The following ZNF618 variants were observed in gnomAD, a reference collection of about 807,000 sequenced individuals.
ZNF618 encodes the protein zinc finger protein 618, also known as neural precursor cell expressed, developmentally down-regulated 10.
In ZNF618, 34 loss-of-function variants were observed where a neutral mutation model predicts 103.0. That is an observed-to-expected ratio of 0.33 (90% CI 0.25 to 0.44). The LOEUF (loss-of-function observed/expected upper bound fraction) is 0.44, where lower values mean the gene tolerates loss of function less well. Among genes scored for constraint, ZNF618 ranks in the 20% least tolerant of loss-of-function variants. ZNF618 has a pLI of 1.00. For synonymous variants in ZNF618, 551 were observed against 542.2 expected (o/e 1.02, Z -0.23); for missense variants, 1,059 against 1,295.4 (o/e 0.82, Z 2.80).
intron 2 of ZNF618, among the ~76,000 whole-genome samples, chr9:113,970,537 A>G (rs1837858940): frequency 6.6e-6 from 1 of 151,972 alleles, no homozygotes; most frequent in African/African-American, 2.4e-5. Flanking sequence ...CCATGGTGAT[A>G]CCTAAATTTG....
chr9:114,032,774 T>A, intron 12 of ZNF618, 46 bp downstream of exon 12: 1 of 1,563,970 alleles, frequency 6.4e-7, no homozygotes, highest in Non-Finnish European at 8.8e-7. Flanking sequence ...GCTGCCAGCT[T>A]CGCCCGCTCC....
intron 1 of ZNF618, among the ~76,000 whole-genome samples, chr9:113,955,422 A>T (rs763172306): frequency 4.6e-5 from 7 of 151,812 alleles, no homozygotes; most frequent in Non-Finnish European, 8.8e-5. Context: ...TCATTTCTTC[A>T]TGGGCCTCTC....
chr9:114,053,926 A>G lies in ZNF618; in HGVS notation c.*3759A>G, dbSNP rs1241914432. On this transcript the variant is annotated 3_prime_UTR_variant, in exon 15 of 15. Transcript: ENST00000374126. ...TTGGCAGCTTCACACTTGACATCTG[A>G]GGATTGGTTTTTGGCTGGAAAAAGG... is the stretch of plus-strand genomic sequence containing the variant. 6.6e-6 allele frequency: 1 copy of G among 152,232 alleles called. No homozygotes were observed. The highest frequency in any genetic ancestry group is 1.9e-4 in the East Asian group (1 of 5,188). The allele number at this position is 152,232 out of a possible 1,614,324, so 9.4% of individuals were successfully genotyped here.
rs1488327527 is a variant in ZNF618, at chr9:114,053,723, A to G, written c.*3556A>G. Reference sequence around the variant, plus strand: ...CGGGTGGATGCCTTTGTTCTGGCACAGTTCTCCACTTCCCGATTCCTGGCT... The same window carrying G: ...CGGGTGGATGCCTTTGTTCTGGCACGGTTCTCCACTTCCCGATTCCTGGCT... On this transcript the variant is annotated 3_prime_UTR_variant, in exon 15 of 15. Coordinates refer to ENST00000374126, the MANE Select transcript of ZNF618 (RefSeq NM_001318042.2). 1 of 152,218 alleles carries G rather than the reference A, an allele frequency of 6.6e-6. No homozygotes were observed. The highest frequency in any genetic ancestry group is 1.5e-5 in the Non-Finnish European group (1 of 68,066). 9.4% of individuals were successfully genotyped at this position (152,218 alleles called of 1,614,324 possible).
intron 9 of ZNF618, among the ~76,000 whole-genome samples, chr9:114,013,160 T>G (rs550455882): frequency 6.6e-6 from 1 of 152,324 alleles, no homozygotes; most frequent in East Asian, 1.9e-4. Context: ...CTAGACAAAT[T>G]GTGGTTTGTG....
rs1844581874 is a variant in ZNF618, at chr9:114,036,177, G to T, written c.1169-123G>T. On this transcript the variant is annotated intron_variant, in intron 12 of 14. Transcript: ENST00000374126. ...CGGGGGAGGCAGGCAGGCTGGGCCC[G>T]GAGCCCTGAGCACAGAGACCCGGTG... The T allele has an allele frequency of 4.8e-6, 4 of 833,604 alleles. No homozygotes were observed. The South Asian group carries it at 6.7e-5, about 14-fold the overall frequency. 51.6% of individuals were successfully genotyped at this position (833,604 alleles called of 1,614,324 possible). A position where few individuals can be genotyped will look rare whatever the true frequency, so the allele number is the denominator to read the frequency against.
chr9:113,973,886 G>A (rs1332578387), intron 2 of ZNF618, among the ~76,000 whole-genome samples: 3 of 152,164 alleles, frequency 2.0e-5, no homozygotes, highest in African/African-American at 4.8e-5. Flanking sequence ...GAGGTTAAAG[G>A]GCTCATTATT....
intron 1 of ZNF618, among the ~76,000 whole-genome samples, chr9:113,933,459 T>C (rs1036216720): frequency 6.6e-6 from 1 of 152,198 alleles, no homozygotes; most frequent in East Asian, 1.9e-4. Flanking sequence ...AGAGTGACTT[T>C]AGAGTGCATT....
chr9:114,000,304 A>T (rs529610800), intron 4 of ZNF618, among the ~76,000 whole-genome samples: 2 of 152,146 alleles, frequency 1.3e-5, no homozygotes, highest in Non-Finnish European at 2.9e-5. Flanking sequence ...GCAGGTGGGG[A>T]AACAGAGGCT....
chr9:113,887,407 A>G (rs1397826113), intron 1 of ZNF618, among the ~76,000 whole-genome samples: 1 of 152,226 alleles, frequency 6.6e-6, no homozygotes, highest in African/African-American at 2.4e-5. Flanking sequence ...AACAAATCTA[A>G]AAGATAATCC....
chr9:113,969,369 A>T (rs945687505), intron 2 of ZNF618, among the ~76,000 whole-genome samples: 1 of 152,226 alleles, frequency 6.6e-6, no homozygotes, highest in African/African-American at 2.4e-5. Context: ...GAATCCAAGG[A>T]TGGTTCATTC....
In ZNF618 at chr9:113,883,356, A is replaced by G. The variant is rs183771987; in HGVS notation, c.33+6943A>G. On this transcript the variant is annotated intron_variant, in intron 1 of 14. Coordinates refer to ENST00000374126, the MANE Select transcript of ZNF618 (RefSeq NM_001318042.2). ...CCCCTGCCCTCCTCACTCCTTTTGT[A>G]TAAAGTATTTCTTTAAAGTGGATGG... is the stretch of plus-strand genomic sequence containing the variant. Among the ~76,000 whole-genome samples the G allele has an allele frequency of 1.1e-4, 17 of 152,292 alleles. 1 individual carries two copies. In the East Asian group the frequency reaches 3.1e-3, roughly 28 times the overall value.
intron 9 of ZNF618, among the ~76,000 whole-genome samples, chr9:114,011,486 T>G (rs1204006836): frequency 6.6e-6 from 1 of 152,238 alleles, no homozygotes. Context: ...CCAGCTGGAC[T>G]GAATGGAGCT....
At chr9:113,938,165 GTTTTTTTTTTTTT>G (rs770850585) in intron 1 of ZNF618, among the ~76,000 whole-genome samples, 1 of 95,526 alleles carries the variant, frequency 1.0e-5, no homozygotes, top group Admixed American at 1.4e-4. Context: ...TCAGGCTCCT[GTTTTTTTTTTTTT>G]TTTTTTTTTG....
chr9:114,039,075 A>C (rs1472595083), intron 13 of ZNF618, among the ~76,000 whole-genome samples: 1 of 152,148 alleles, frequency 6.6e-6, no homozygotes, highest in African/African-American at 2.4e-5. Context: ...CAGGCTATAG[A>C]TAGGATTCCA....
intron 12 of ZNF618, among the ~76,000 whole-genome samples, chr9:114,033,703 G>A (rs1166506231): frequency 6.6e-6 from 1 of 152,118 alleles, no homozygotes. Flanking sequence ...AAGCTGTTCT[G>A]TACCCTGAGA....
At chr9:114,016,999 G>C in intron 10 of ZNF618, 1 of 563,034 alleles carries the variant, frequency 1.8e-6, no homozygotes, top group Non-Finnish European at 3.1e-6. Flanking sequence ...AGCAGAGTCC[G>C]AGCCCTCCCT....
At chr9:113,976,705 A>G (rs755887701) in intron 2 of ZNF618, among the ~76,000 whole-genome samples, 7 of 152,136 alleles carry the variant, frequency 4.6e-5, no homozygotes, top group Non-Finnish European at 1.0e-4. Context: ...TTGTTTTCAT[A>G]GGAGCTAAAA....
At chr9:113,963,604 T>C (rs1837070988) in intron 1 of ZNF618, among the ~76,000 whole-genome samples, 2 of 152,138 alleles carry the variant, frequency 1.3e-5, no homozygotes, top group Non-Finnish European at 2.9e-5. Flanking sequence ...TGCCACATAG[T>C]AGGTTTCCAA....
Sources: gnomAD v4.1 joint callset for allele counts (sites outside exome capture counted in the v4.1 genomes callset) on GRCh38, gnomAD v4.1.1 for gene constraint, MANE v1.5 for transcripts, NCBI Gene and HGNC (gene_info 2026-07-23, HGNC 2026-07-21) for gene names.